The following WRN variants were observed in gnomAD, a reference collection of about 807,000 sequenced individuals.
The protein encoded by WRN is bifunctional 3'-5' exonuclease/ATP-dependent helicase WRN.
WRN carries 149 observed loss-of-function variants against 180.7 expected under a neutral mutation model. That is an observed-to-expected ratio of 0.82 (90% CI 0.72 to 0.94). The LOEUF (loss-of-function observed/expected upper bound fraction) is 0.94, where lower values mean the gene tolerates loss of function less well. WRN is among the 40% of genes least tolerant of loss of function. The pLI is 0.00. For synonymous variants in WRN, 548 were observed against 568.9 expected, an observed-to-expected ratio of 0.96 and a Z score of 0.52; for missense variants, 1,661 against 1,700.1, an observed-to-expected ratio of 0.98 and a Z score of 0.40.
chr8:31,145,168 A>C (rs1379885031), intron 28 of WRN, among the ~76,000 whole-genome samples: 5 of 152,252 alleles, frequency 3.3e-5, no homozygotes, highest in African/African-American at 1.2e-4. Context: ...GCACTAACAG[A>C]CTTTGAATGT....
At position 31,156,573 on chromosome 8, in the gene WRN, A is replaced by G. The variant is rs528152150; in HGVS notation, c.3820-795A>G. On this transcript the variant is annotated intron_variant, in intron 32 of 34. Transcript: ENST00000298139. ...TTGAAGGATGAAAAACATTGCCTTA[A>G]ATGCTCTATTCTGTGAAAGTATCAA... Among the ~76,000 whole-genome samples, 5 of 152,350 alleles carry G rather than the reference A, an allele frequency of 3.3e-5. No individual in the cohort carries two copies. In the South Asian group the frequency reaches 8.3e-4, roughly 25 times the overall value.
chr8:31,104,301 C>G (rs1025935399), intron 18 of WRN, among the ~76,000 whole-genome samples: 3 of 152,130 alleles, frequency 2.0e-5, no homozygotes, highest in Non-Finnish European at 2.9e-5. Context: ...TTGCATTTCT[C>G]TCATGGCTAA....
chr8:31,039,107 A>C (rs529077125), intron 1 of WRN, among the ~76,000 whole-genome samples: 9 of 152,288 alleles, frequency 5.9e-5, no homozygotes, highest in Admixed American at 5.9e-4. Flanking sequence ...CCATTTCTGC[A>C]GAAAAGCCTT....
intron 16 of WRN, among the ~76,000 whole-genome samples, chr8:31,094,302 C>T (rs1348470690): frequency 6.6e-6 from 1 of 151,710 alleles, no homozygotes; most frequent in Non-Finnish European, 1.5e-5. Flanking sequence ...AAAGAAATTC[C>T]ATACCCATTA....
Position 31,173,105 on chromosome 8 carries a change from T to C in WRN, c.*3T>C. 2.5e-6 allele frequency: 4 copies of C among 1,611,038 alleles called. No individual in the cohort carries two copies. Reference sequence around the variant, plus strand: ...AAAGGGGAGGTCTTTTTAGTTAAGCTGGCAATTACCAGAACAATTATGTTT... The same window carrying C: ...AAAGGGGAGGTCTTTTTAGTTAAGCCGGCAATTACCAGAACAATTATGTTT... On this transcript the variant is annotated 3_prime_UTR_variant, in exon 35 of 35. Transcript: ENST00000298139.
At chr8:31,138,043 A>G (rs1802466702) in intron 24 of WRN, among the ~76,000 whole-genome samples, 1 of 152,086 alleles carries the variant, frequency 6.6e-6, no homozygotes. Context: ...TTGAGGCTAC[A>G]GTGAGCTATG....
chr8:31,171,591 A>G (rs1050711541), intron 34 of WRN: 1 of 152,220 alleles, frequency 6.6e-6, no homozygotes, highest in Admixed American at 6.5e-5. Context: ...GTACCTAGGA[A>G]CAAAGTTGCA....
rs75632545 is a variant in WRN at position 31,081,207 on chromosome 8, T to C, written c.1180T>C (p.Ser394Pro). Residue 394 changes from serine to proline, a missense_variant, in exon 9 of 35, where the codon TCG (serine) becomes CCG (proline). Around this residue, in one of 3 missense-constraint regions of WRN, gnomAD observed 500 missense variants for 504.1 expected, o/e 0.99. Coordinates refer to ENST00000298139, the MANE Select transcript of WRN (RefSeq NM_000553.6). ...KENMERACLM[S>P]LDITEHELQI... Reference sequence around the variant, plus strand: ...GAATATGGAAAGAGCTTGTTTGATGTCGTTAGATATTACAGAACATGAACT... The same window carrying C: ...GAATATGGAAAGAGCTTGTTTGATGCCGTTAGATATTACAGAACATGAACT... 6.2e-7 allele frequency: 1 copy of C among 1,613,824 alleles called. No individual in the cohort carries two copies. Among genetic ancestry groups the C allele is most frequent in the Admixed American group, 1.7e-5 (1 of 59,976 alleles).
At chr8:31,152,845 C>T (rs1803192190) in intron 31 of WRN, among the ~76,000 whole-genome samples, 1 of 151,996 alleles carries the variant, frequency 6.6e-6, no homozygotes. Flanking sequence ...TAGAAAACAA[C>T]CTGGGAAACA....
chr8:31,049,085 C>T (rs973714559), intron 1 of WRN, among the ~76,000 whole-genome samples: 3 of 151,236 alleles, frequency 2.0e-5, no homozygotes, highest in African/African-American at 7.3e-5. Flanking sequence ...GTGGTGGGTG[C>T]CTGTAGTCCC....
intron 21 of WRN, among the ~76,000 whole-genome samples, chr8:31,120,856 T>C (rs1801698927): frequency 6.6e-6 from 1 of 152,044 alleles, no homozygotes; most frequent in African/African-American, 2.4e-5. Context: ...CAGTGGTGAT[T>C]ATTCCAGAGG....
chr8:31,119,153 T>C (rs534509870), intron 20 of WRN, among the ~76,000 whole-genome samples: 1 of 152,038 alleles, frequency 6.6e-6, no homozygotes, highest in Admixed American at 6.6e-5. Context: ...TTACTCAGCA[T>C]TTTCCTCCTT....
rs1204968462 is a variant in WRN at position 31,096,750 on chromosome 8, T to C, written c.1899-18T>C. ...CCTGTTTTTTTTTTTTTCTTTTTTC[T>C]TTTGTTTGTTTTTACAGAGGTAAAT... On this transcript the variant is annotated intron_variant, in intron 16 of 34. Coordinates refer to ENST00000298139, the MANE Select transcript of WRN (RefSeq NM_000553.6). 1 of 1,584,174 alleles carries C rather than the reference T, an allele frequency of 6.3e-7. No homozygotes were observed. Among genetic ancestry groups the C allele is most frequent in the South Asian group, 1.2e-5 (1 of 86,736 alleles).
Position 31,141,553 on chromosome 8 carries a change from G to A in WRN, c.3091G>A (p.Val1031Ile), listed in dbSNP as rs138492730. The A allele has an allele frequency of 6.2e-7, 1 of 1,614,026 alleles. No individual in the cohort carries two copies. Among genetic ancestry groups the A allele is most frequent in the Non-Finnish European group, 8.5e-7 (1 of 1,180,032 alleles). Residue 1031 changes from valine to isoleucine, a missense_variant, in exon 25 of 35, where the codon GTT (valine) becomes ATT (isoleucine). This residue lies in a region of WRN where 1,141 missense variants were observed against 1,149.4 expected (regional missense o/e 0.99). Transcript: ENST00000298139. Reference sequence around the variant, plus strand: ...GATCACTGAGGGATTCTTGGTAGAAGTTTCTCGGTATAACAAATTTATGAA... The same window carrying A: ...GATCACTGAGGGATTCTTGGTAGAAATTTCTCGGTATAACAAATTTATGAA... ...QLITEGFLVEVSRYNKFMKIC... is the reference protein window; with the variant it reads ...QLITEGFLVEISRYNKFMKIC...
rs1006364644 is a variant in WRN, at chr8:31,081,475, C to T, written c.1269+179C>T. Among the ~76,000 whole-genome samples the T allele has an allele frequency of 6.6e-5, 10 of 152,318 alleles. No homozygotes were observed. In the South Asian group the frequency reaches 1.0e-3, roughly 16 times the overall value. ...CACAGACAAATGTAAACAAATGTGCCTGTCTTTCAATAAAACTTTATCTAC... is the reference window on the plus strand; with the variant it reads ...CACAGACAAATGTAAACAAATGTGCTTGTCTTTCAATAAAACTTTATCTAC... On this transcript the variant is annotated intron_variant, in intron 9 of 34. Transcript: ENST00000298139.
At chr8:31,108,078 C>T (rs1165184287) in intron 18 of WRN, among the ~76,000 whole-genome samples, 1 of 152,118 alleles carries the variant, frequency 6.6e-6, no homozygotes, top group Non-Finnish European at 1.5e-5. Flanking sequence ...GGGCACCACA[C>T]CATTGAAGTA....
At chr8:31,096,040 C>A (rs1813957337) in intron 16 of WRN, among the ~76,000 whole-genome samples, 1 of 152,184 alleles carries the variant, frequency 6.6e-6, no homozygotes. Flanking sequence ...CATCACTTAC[C>A]TTGTAAGAAG....
chr8:31,158,215 C>T (rs1803466401), intron 33 of WRN, among the ~76,000 whole-genome samples: 1 of 152,076 alleles, frequency 6.6e-6, no homozygotes, highest in Admixed American at 6.6e-5. Flanking sequence ...GAGTCCTTGT[C>T]ATTGGTTTCG....
chr8:31,161,270 G>A (rs1803604709), intron 33 of WRN, among the ~76,000 whole-genome samples: 1 of 152,128 alleles, frequency 6.6e-6, no homozygotes, highest in Non-Finnish European at 1.5e-5. Context: ...ATAGAATTGT[G>A]AGAAATATAG....
Sources: allele counts gnomAD v4.1 joint callset (sites outside exome capture counted in the v4.1 genomes callset), GRCh38; gene constraint gnomAD v4.1.1; regional missense constraint gnomAD v4.1.1; transcripts MANE v1.5; gene names NCBI Gene and HGNC (gene_info 2026-07-23, HGNC 2026-07-21).